The following DTNA variants were observed in gnomAD, a reference collection of about 807,000 sequenced individuals.
DTNA encodes dystrobrevin alpha.
Under a neutral mutation model 100.7 loss-of-function variants are expected in DTNA, and 43 were observed. The observed-to-expected ratio is 0.43, with a 90% CI of 0.33 to 0.55. The LOEUF (loss-of-function observed/expected upper bound fraction) is 0.55, where lower values mean the gene tolerates loss of function less well. DTNA is among the 20% of genes least tolerant of loss of function. The pLI is 0.04. For missense variants in DTNA, 798 were observed against 953.9 expected (o/e 0.84, Z 2.15); for synonymous variants, 349 against 347.9 (o/e 1.00, Z -0.04).
intron 1 of DTNA, among the ~76,000 whole-genome samples, chr18:34,619,754 G>T (rs2056084595): frequency 6.6e-6 from 1 of 152,126 alleles, no homozygotes; most frequent in Admixed American, 6.5e-5. Flanking sequence ...ATATCCAGTA[G>T]TCATTAGGAT....
chr18:34,831,587 G>A (rs988869541), intron 11 of DTNA, among the ~76,000 whole-genome samples: 7 of 152,232 alleles, frequency 4.6e-5, no homozygotes, highest in South Asian at 2.1e-4. Context: ...GGCCAATGTG[G>A]TGAAACTCCA....
At chr18:34,759,915 CTTAAGTGAAACACCCACCT>C (rs2093029070) in intron 2 of DTNA, 1 of 152,172 alleles carries the variant, frequency 6.6e-6, no homozygotes, top group South Asian at 2.1e-4. Context: ...AACTTCTGAT[CTTAAGTGAAACACCCACCT>C]TGGCCTCCCA....
rs185148852 is a variant in DTNA, at chr18:34,802,126, G to A, written c.363-4093G>A. Among the ~76,000 whole-genome samples the A allele has an allele frequency of 1.4e-3, 210 of 152,368 alleles. 2 individuals are homozygous for A. The highest frequency in any genetic ancestry group is 5.0e-3 in the African/African-American group (207 of 41,588). ...ATGGCTTTTCATAAAAGCAAGAGAA[G>A]TATACAGACTTTTTCTGTGCACTTC... On this transcript the variant is annotated intron_variant, in intron 4 of 22. Coordinates refer to ENST00000444659, the MANE Select transcript of DTNA (RefSeq NM_001386795.1).
At chr18:34,633,451 A>G (rs772106110) in intron 1 of DTNA, among the ~76,000 whole-genome samples, 77 of 152,184 alleles carry the variant, frequency 5.1e-4, no homozygotes, top group Non-Finnish European at 6.9e-4. Context: ...CTATTATAGT[A>G]AGAAAGCCAT....
At chr18:34,775,704 G>C (rs978465919) in intron 3 of DTNA, among the ~76,000 whole-genome samples, 3 of 152,208 alleles carry the variant, frequency 2.0e-5, no homozygotes, top group Non-Finnish European at 4.4e-5. Context: ...ACAAGGAACT[G>C]AACTGTGCTA....
intron 17 of DTNA, 93 bp downstream of exon 17, chr18:34,864,155 G>GT (rs2096664215): frequency 9.1e-7 from 1 of 1,104,024 alleles, no homozygotes; most frequent in South Asian, 1.4e-5. Context: ...TCCAATTGCT[G>GT]TATGTGATTT....
At position 34,771,192 on chromosome 18, in the gene DTNA, A is replaced by G. The variant is rs1028074312; in HGVS notation, c.148+5151A>G. Among the ~76,000 whole-genome samples the G allele has an allele frequency of 5.3e-5, 8 of 152,052 alleles. No individual in the cohort carries two copies. The South Asian group carries it at 1.4e-3, about 28-fold the overall frequency. On this transcript the variant is annotated intron_variant, in intron 3 of 22. Coordinates refer to ENST00000444659, the MANE Select transcript of DTNA (RefSeq NM_001386795.1). The stretch of plus-strand genomic sequence containing the variant: ...TGGTCCACAAAAAGAATGTTGACCA[A>G]TCCCTGCTATAAAAGACACTTGTAA...
intron 1 of DTNA, among the ~76,000 whole-genome samples, chr18:34,752,187 T>C (rs921969849): frequency 2.6e-5 from 4 of 152,234 alleles, no homozygotes; most frequent in Non-Finnish European, 5.9e-5. Context: ...TACACATTAG[T>C]GTCATCACAG....
chr18:34,855,418 A>T (rs939174593), intron 15 of DTNA, among the ~76,000 whole-genome samples: 7 of 152,240 alleles, frequency 4.6e-5, no homozygotes, highest in Non-Finnish European at 1.0e-4. Context: ...AGAAATAAAA[A>T]TAAAGGAACC....
intron 22 of DTNA, among the ~76,000 whole-genome samples, chr18:34,885,836 T>C (rs931531477): frequency 2.6e-4 from 39 of 152,242 alleles, no homozygotes; most frequent in Non-Finnish European, 4.3e-4. Flanking sequence ...CGGGAAACAC[T>C]GGGACCCAGA....
intron 4 of DTNA, among the ~76,000 whole-genome samples, chr18:34,802,262 A>G (rs1344245590): frequency 6.6e-6 from 1 of 152,248 alleles, no homozygotes; most frequent in Non-Finnish European, 1.5e-5. Context: ...GCTGACAGCC[A>G]GCATTCCATC....
chr18:34,546,315 A>C (rs2145841715), intron 1 of DTNA, among the ~76,000 whole-genome samples: 1 of 152,238 alleles, frequency 6.6e-6, no homozygotes. Flanking sequence ...CCTTATGTTC[A>C]TTCTGCAACT....
intron 14 of DTNA, 105 bp downstream of exon 14, chr18:34,848,488 T>G (rs943194431): frequency 8.3e-7 from 1 of 1,200,474 alleles, no homozygotes; most frequent in African/African-American, 1.5e-5. Flanking sequence ...CCAGGACAAT[T>G]TGTGCTAATT....
At chr18:34,704,313 C>T (rs1238745976) in intron 1 of DTNA, among the ~76,000 whole-genome samples, 1 of 152,244 alleles carries the variant, frequency 6.6e-6, no homozygotes, top group Non-Finnish European at 1.5e-5. Context: ...GTCACTCCTA[C>T]ATCTCATCTT....
At chr18:34,744,101 A>T (rs747418427) in intron 1 of DTNA, among the ~76,000 whole-genome samples, 5 of 152,188 alleles carry the variant, frequency 3.3e-5, no homozygotes, top group Non-Finnish European at 7.3e-5. Flanking sequence ...CAACCAAATT[A>T]AGTATACTAA....
intron 1 of DTNA, among the ~76,000 whole-genome samples, chr18:34,558,661 AT>A (rs1309829984): frequency 6.6e-6 from 1 of 152,172 alleles, no homozygotes; most frequent in Non-Finnish European, 1.5e-5. Flanking sequence ...AAAGTGAAGA[AT>A]TTTTTACATT....
chr18:34,641,254 A>G (rs2059249197), intron 1 of DTNA, among the ~76,000 whole-genome samples: 1 of 152,196 alleles, frequency 6.6e-6, no homozygotes, highest in South Asian at 2.1e-4. Flanking sequence ...AATTATAACT[A>G]TTAATAATGT....
intron 1 of DTNA, among the ~76,000 whole-genome samples, chr18:34,633,023 C>T (rs1479827414): frequency 6.6e-6 from 1 of 152,052 alleles, no homozygotes; most frequent in Non-Finnish European, 1.5e-5. Context: ...AATGGTAAAA[C>T]CAGTATTTGA....
chr18:34,522,772 C>T (rs2042267376), intron 1 of DTNA, among the ~76,000 whole-genome samples: 1 of 152,154 alleles, frequency 6.6e-6, no homozygotes, highest in South Asian at 2.1e-4. Flanking sequence ...ACACACAGAC[C>T]CCTAAGAAGG....
Sources: allele counts gnomAD v4.1 joint callset (sites outside exome capture counted in the v4.1 genomes callset), GRCh38; gene constraint gnomAD v4.1.1; transcripts MANE v1.5; gene names NCBI Gene and HGNC (gene_info 2026-07-23, HGNC 2026-07-21).